The following PCIF1 variants were observed in gnomAD, a reference collection of about 807,000 sequenced individuals.
PCIF1 encodes the protein mRNA (2'-O-methyladenosine-N(6)-)-methyltransferase.
A neutral mutation model predicts 86.9 loss-of-function variants in PCIF1; 12 were observed. The ratio of observed to expected loss-of-function variants is 0.14; its 90% CI spans 0.09 to 0.22. The LOEUF is 0.22. Among genes scored for constraint, PCIF1 ranks in the 10% least tolerant of loss-of-function variants. The pLI is 1.00. For missense variants in PCIF1, 701 were observed against 951.1 expected, an observed-to-expected ratio of 0.74 and a Z score of 3.46; for synonymous variants, 397 against 372.0, an observed-to-expected ratio of 1.07 and a Z score of -0.77.
At chr20:45,936,305 G>C (rs192206773) in intron 1 of PCIF1, among the ~76,000 whole-genome samples, 1 of 150,842 alleles carries the variant, frequency 6.6e-6, no homozygotes, top group Non-Finnish European at 1.5e-5. Flanking sequence ...CTCCCGAGTA[G>C]CTGGGACTAC....
At position 45,946,255 on chromosome 20, in the gene PCIF1, T is replaced by G; in HGVS notation, c.1484T>G (p.Val495Gly). ...EGTGLQGSLPVHVFEALHRLF... is the reference protein window; with the variant it reads ...EGTGLQGSLPGHVFEALHRLF... ...ACTGGCCTGCAGGGATCGCTGCCTG[T>G]GCATGTCTTTGAGGCCCTCCACCGA... Residue 495 changes from valine to glycine, a missense_variant, in exon 14 of 17, where the codon GTG becomes GGG. Val to Gly is a moderately radical substitution (Grantham distance 109). Around this residue, in one of 7 missense-constraint regions of PCIF1, gnomAD observed 61 missense variants for 118.5 expected, o/e 0.51. Coordinates refer to ENST00000372409, the MANE Select transcript of PCIF1 (RefSeq NM_022104.4). 1 of 1,614,200 alleles carries G rather than the reference T, an allele frequency of 6.2e-7. No homozygotes were observed. Among genetic ancestry groups the G allele is most frequent in the Non-Finnish European group, 8.5e-7 (1 of 1,180,046 alleles).
intron 7 of PCIF1, among the ~76,000 whole-genome samples, chr20:45,941,553 C>T (rs6073966): frequency 0.11 from 17,042 of 152,156 alleles, 1,212 homozygotes; most frequent in Non-Finnish European, 0.17. Flanking sequence ...TCCTGGGTCC[C>T]GGTTCAGGCA....
chr20:45,938,796 G>A (rs575263480), intron 2 of PCIF1, among the ~76,000 whole-genome samples, 185 bp from the exon 3 acceptor site: 1 of 152,274 alleles, frequency 6.6e-6, no homozygotes, highest in Admixed American at 6.5e-5. Flanking sequence ...CAGCAGGAGT[G>A]CACCCATTGA....
chr20:45,947,281 C>A lies in PCIF1; in HGVS notation c.1726C>A (p.Pro576Thr). The A allele has an allele frequency of 6.2e-7, 1 of 1,613,114 alleles. No individual in the cohort carries two copies. The highest frequency in any genetic ancestry group is 8.5e-7 in the Non-Finnish European group (1 of 1,179,276). The change falls in exon 16 of 17, where the codon CCG becomes ACG. Residue 576 changes from proline (P) to threonine (T), a missense_variant. By Grantham distance (38) the Pro-to-Thr change is conservative. Transcript: ENST00000372409. The surrounding 1 kb of genome is among the most constrained non-coding windows in gnomAD (Gnocchi z 5.4). ...TCCACAGAGACTGCTTGAGAGCTCA[C>A]CGGAGCCCCTGTCCTTCATCGTGTT... Reference protein sequence around the residue: ...SHFERLLESSPEPLSFIVFIP... With the variant: ...SHFERLLESSTEPLSFIVFIP...
Position 45,946,312 on chromosome 20 carries a change from C to T in PCIF1, c.1541C>T (p.Ser514Leu). 2 of 1,614,142 alleles carry T rather than the reference C, an allele frequency of 1.2e-6. No homozygotes were observed. The highest frequency in any genetic ancestry group is 1.7e-6 in the Non-Finnish European group (2 of 1,180,040). ...LFGVSFECFA[S>L]PLNCYFRQYC... ...GGCGTCAGCTTCGAGTGCTTCGCCT[C>T]ACCCCTCAACTGCTACTTCCGCCAG... is the stretch of plus-strand genomic sequence containing the variant. The change falls in exon 14 of 17, where the codon TCA becomes TTA. Residue 514 changes from serine (S) to leucine (L), a missense_variant. By Grantham distance (145) the Ser-to-Leu change is moderately radical. Around this residue, in one of 7 missense-constraint regions of PCIF1, gnomAD observed 61 missense variants for 118.5 expected, o/e 0.51. Coordinates refer to ENST00000372409, the MANE Select transcript of PCIF1 (RefSeq NM_022104.4).
Position 45,945,736 on chromosome 20 carries a change from G to T in PCIF1, c.1194G>T (p.Glu398Asp). 1.2e-6 allele frequency: 2 copies of T among 1,613,732 alleles called. No individual in the cohort carries two copies. The highest frequency in any genetic ancestry group is 1.1e-5 in the South Asian group (1 of 91,086). Residue 398 changes from glutamate to aspartate, a missense_variant, in exon 12 of 17, where the codon GAG (glutamate) becomes GAT (aspartate). Physicochemically the swap from Glu to Asp is conservative, Grantham distance 45. Transcript: ENST00000372409. ...AGGAGGTGGAGGCCCCTGAGGTGGA[G>T]CCCCGCCTAGTGTACTGCTACCCAG... is the stretch of plus-strand genomic sequence containing the variant. ...ISEEVEAPEV[E>D]PRLVYCYPVR... is the part of the protein sequence containing the mutation.
chr20:45,937,804 TG>T, intron 2 of PCIF1: 1 of 383,914 alleles, frequency 2.6e-6, no homozygotes, highest in Non-Finnish European at 4.6e-6. Context: ...GAGTAACCAT[TG>T]ACTTTTCCCT....
Position 45,943,418 on chromosome 20 carries a change from G to C in PCIF1, c.900G>C (p.Glu300Asp), listed in dbSNP as rs768473040. The change falls in exon 9 of 17, where the codon GAG (glutamate) becomes GAC (aspartate). Residue 300 changes from glutamate (E) to aspartate (D), a missense_variant. Coordinates refer to ENST00000372409, the MANE Select transcript of PCIF1 (RefSeq NM_022104.4). The surrounding 1 kb of genome is among the most constrained non-coding windows in gnomAD (Gnocchi z 5.5). ...KYAEAARRLI[E>D]SRSASPDSRK... ...CGGAGGCCGCCAGGCGGCTCATCGA[G>C]TCCAGGTTTGCCTGTCTTCTGCCCC... 1 of 1,612,884 alleles carries C rather than the reference G, an allele frequency of 6.2e-7. No homozygotes were observed. Among genetic ancestry groups the C allele is most frequent in the East Asian group, 2.2e-5 (1 of 44,854 alleles).
At chr20:45,945,687 C>G in intron 11 of PCIF1, 24 bp from the exon 12 acceptor site, 1 of 1,607,280 alleles carries the variant, frequency 6.2e-7, no homozygotes, top group Non-Finnish European at 8.5e-7. Flanking sequence ...GAGTGTGGTC[C>G]CTCACTGCTC....
rs986100468 is a variant in PCIF1, at chr20:45,937,470, C to G, written c.-135C>G. On this transcript the variant is annotated 5_prime_UTR_variant, in exon 2 of 17. Coordinates refer to ENST00000372409, the MANE Select transcript of PCIF1 (RefSeq NM_022104.4). ...CCCGTCCACTCCACTGCTGACCAGCCCATTCGCCTGTGCTGAGTCTTCCTG... is the reference window on the plus strand; with the variant it reads ...CCCGTCCACTCCACTGCTGACCAGCGCATTCGCCTGTGCTGAGTCTTCCTG... The G allele has an allele frequency of 2.5e-6, 1 of 399,082 alleles. No homozygotes were observed. The highest frequency in any genetic ancestry group is 4.4e-6 in the Non-Finnish European group (1 of 226,198). 24.7% of individuals were successfully genotyped at this position (399,082 alleles called of 1,614,324 possible).
rs1246595669 is a variant in PCIF1 at position 45,941,831 on chromosome 20, CT to C, written c.673+626del. 2.0e-5 allele frequency among the ~76,000 whole-genome samples: 3 copies of C among 152,014 alleles called. No individual in the cohort carries two copies. The East Asian group carries it at 5.8e-4, about 29-fold the overall frequency. On this transcript the variant is annotated intron_variant, in intron 7 of 16. Transcript: ENST00000372409. ...TGTACTCCTGGGCTCAAGCCTTCTGCTTGCCTTGGCCTCCCACAGTGCTGGG... is the reference window on the plus strand; with the variant it reads ...TGTACTCCTGGGCTCAAGCCTTCTGCTGCCTTGGCCTCCCACAGTGCTGGG...
chr20:45,936,603 A>G (rs1055425136), intron 1 of PCIF1, among the ~76,000 whole-genome samples: 3 of 151,946 alleles, frequency 2.0e-5, no homozygotes, highest in South Asian at 4.2e-4. Context: ...CTTCCACCTC[A>G]GCCTCCTGAG....
Position 45,940,842 on chromosome 20 carries a change from G to A in PCIF1, c.421G>A (p.Val141Met). ...EIPVTPTGQS[V>M]PSSPSIPGTP... ...CCCAGTGACACCCACAGGCCAGTCGGTGCCCAGCTCCCCCAGTATCCCAGG... is the reference window on the plus strand; with the variant it reads ...CCCAGTGACACCCACAGGCCAGTCGATGCCCAGCTCCCCCAGTATCCCAGG... Residue 141 changes from valine (V) to methionine (M), a missense_variant, in exon 6 of 17, where the codon GTG (valine) becomes ATG (methionine). Val to Met is a conservative substitution (Grantham distance 21). Coordinates refer to ENST00000372409, the MANE Select transcript of PCIF1 (RefSeq NM_022104.4). The A allele has an allele frequency of 6.2e-7, 1 of 1,614,102 alleles. No homozygotes were observed. Among genetic ancestry groups the A allele is most frequent in the South Asian group, 1.1e-5 (1 of 91,060 alleles).
In PCIF1 at chr20:45,939,216, G is replaced by C. The variant is rs375497874; in HGVS notation, c.126G>C (p.Glu42Asp). The stretch of plus-strand genomic sequence containing the variant: ...GCTGGGCTCCGTGCCTGTTTGCAGA[G>C]GAGCTGGTGCATGCAGGCTGGGAGA... ...KPIRLVQDLP[E>D]ELVHAGWEKC... The change falls in exon 4 of 17, where the codon GAG (glutamate) becomes GAC (aspartate). Residue 42 changes from glutamate to aspartate, a missense_variant and splice_region_variant. By Grantham distance (45) the Glu-to-Asp change is conservative. Coordinates refer to ENST00000372409, the MANE Select transcript of PCIF1 (RefSeq NM_022104.4). 2 of 1,613,986 alleles carry C rather than the reference G, an allele frequency of 1.2e-6. No homozygotes were observed. Among genetic ancestry groups the C allele is most frequent in the Non-Finnish European group, 1.7e-6 (2 of 1,180,024 alleles).
rs2083466461 is a variant in PCIF1, at chr20:45,941,141, C to G, written c.607C>G (p.Leu203Val). The change falls in exon 7 of 17, where the codon CTG (leucine) becomes GTG (valine). Residue 203 changes from leucine (L) to valine (V), a missense_variant. By Grantham distance (32) the Leu-to-Val change is conservative. This residue lies in a region of PCIF1 where 129 missense variants were observed against 245.9 expected (regional missense o/e 0.52). Coordinates refer to ENST00000372409, the MANE Select transcript of PCIF1 (RefSeq NM_022104.4). ...GCTGCCCCCGCATCCCGAAGTGGAA[C>G]TGCTCCGCTCTCAGCTCATCCTGAA... ...EVLPPHPEVE[L>V]LRSQLILKLR... 1.9e-6 allele frequency: 3 copies of G among 1,614,124 alleles called. No homozygotes were observed. The highest frequency in any genetic ancestry group is 8.5e-7 in the Non-Finnish European group (1 of 1,180,050).
At chr20:45,945,680 T>G (rs1600509121) in intron 11 of PCIF1, 31 bp from the exon 12 acceptor site, 1 of 1,602,720 alleles carries the variant, frequency 6.2e-7, no homozygotes, top group Non-Finnish European at 8.5e-7. Context: ...GAATGAGGAG[T>G]GTGGTCCCTC....
rs376518958 is a variant in PCIF1, at chr20:45,935,038, C to T, written c.-188+234C>T. On this transcript the variant is annotated intron_variant, in intron 1 of 16. Coordinates refer to ENST00000372409, the MANE Select transcript of PCIF1 (RefSeq NM_022104.4). ...GGCTCTAGGGCCCCTCCGCTGCTGC[C>T]GCCGCCACCGCCTTTGTGTCGGGCT... Among the ~76,000 whole-genome samples, 41 of 152,038 alleles carry T rather than the reference C, an allele frequency of 2.7e-4. No individual in the cohort carries two copies. The South Asian group carries it at 7.3e-3, about 27-fold the overall frequency.
Position 45,943,105 on chromosome 20 carries a change from C to A in PCIF1, c.682C>A (p.Pro228Thr). ...GCTCTCCTGTCCTGCAGGCATTGAG[C>A]CTCCACGGGAGTCTTTCAACCGCTG... The part of the protein sequence containing the change: ...ELCQQREGIE[P>T]PRESFNRWML... The change falls in exon 8 of 17, where the codon CCT (proline) becomes ACT (threonine). Residue 228 changes from proline (P) to threonine (T), a missense_variant. Transcript: ENST00000372409. This position sits in a 1 kb window ranked among gnomAD's most constrained non-coding sequence, Gnocchi z 5.5. 2 of 1,613,802 alleles carry A rather than the reference C, an allele frequency of 1.2e-6. No homozygotes were observed. The highest frequency in any genetic ancestry group is 1.7e-6 in the Non-Finnish European group (2 of 1,179,952).
In PCIF1 at chr20:45,935,483, G is replaced by A. The variant is rs115483350; in HGVS notation, c.-188+679G>A. On this transcript the variant is annotated intron_variant, in intron 1 of 16. Coordinates refer to ENST00000372409, the MANE Select transcript of PCIF1 (RefSeq NM_022104.4). ...GATAAATAAAGACGTTAACTTAAGA[G>A]CAGTTATGTCTTACTGGGAGCGTAC... 6.8e-3 allele frequency among the ~76,000 whole-genome samples: 1,042 copies of A among 152,250 alleles called. 8 individuals are homozygous for A. The highest frequency in any genetic ancestry group is 0.02 in the Middle Eastern group (6 of 294).
Sources: gnomAD v4.1 joint callset for allele counts (sites outside exome capture counted in the v4.1 genomes callset) on GRCh38, gnomAD v4.1.1 for gene constraint, gnomAD v4.1.1 regional missense constraint, Gnocchi (gnomAD v3.1) non-coding constraint, MANE v1.5 for transcripts, NCBI Gene and HGNC (gene_info 2026-07-23, HGNC 2026-07-21) for gene names.